PCDHGB7: variants seen among roughly 807,000 people sequenced by gnomAD.
PCDHGB7 encodes the protein protocadherin gamma subfamily B, 7, also known as protocadherin gamma-B7.
A neutral mutation model predicts 61.4 loss-of-function variants in PCDHGB7; 37 were observed. The ratio of observed to expected loss-of-function variants is 0.60; its 90% CI spans 0.46 to 0.79. The LOEUF (loss-of-function observed/expected upper bound fraction) is 0.79. Ranked by LOEUF, PCDHGB7 falls within the 30% of genes least tolerant of loss-of-function variation. The pLI is 0.00. For synonymous variants in PCDHGB7, 464 were observed against 503.5 expected (o/e 0.92, Z 1.05); for missense variants, 1,166 against 1,202.5 (o/e 0.97, Z 0.45).
chr5:141,459,300 A>T (rs954766370), intron 1 of PCDHGB7, among the ~76,000 whole-genome samples: 1 of 152,202 alleles, frequency 6.6e-6, no homozygotes, highest in Non-Finnish European at 1.5e-5. Flanking sequence ...ATCCTATAAC[A>T]TATACTATTT....
intron 3 of PCDHGB7, among the ~76,000 whole-genome samples, chr5:141,510,330 C>T (rs1420880240): frequency 6.6e-6 from 1 of 151,298 alleles, no homozygotes; most frequent in Non-Finnish European, 1.5e-5. Context: ...GCACTCTTCA[C>T]CCCCACCCCA....
intron 2 of PCDHGB7, among the ~76,000 whole-genome samples, chr5:141,505,066 G>A (rs1312509903): frequency 6.6e-6 from 1 of 152,190 alleles, no homozygotes; most frequent in Non-Finnish European, 1.5e-5. Flanking sequence ...GGAGACTGAG[G>A]CAGGAGAATC....
In PCDHGB7 at chr5:141,491,561, A is replaced by G. The variant is rs1289732955; in HGVS notation, c.2416-3246A>G. ...CCCACAGACTCGCAGAGCCACTGCT[A>G]CAGGACGTGCTTTTCACCGGCCTCG... On this transcript the variant is annotated intron_variant, in intron 1 of 3. Transcript: ENST00000398594. The surrounding 1 kb of genome is among the most constrained non-coding windows in gnomAD (Gnocchi z 6.9). The G allele has an allele frequency of 6.2e-7, 1 of 1,613,938 alleles. No homozygotes were observed. Among genetic ancestry groups the G allele is most frequent in the Non-Finnish European group, 8.5e-7 (1 of 1,180,018 alleles).
At chr5:141,422,850 G>T (rs184432819) in intron 1 of PCDHGB7, 7 of 1,614,086 alleles carry the variant, frequency 4.3e-6, no homozygotes, top group Non-Finnish European at 5.9e-6. Context: ...GCGGGGACCC[G>T]CCCCTCAGCA....
chr5:141,489,206 C>A lies in PCDHGB7; in HGVS notation c.2416-5601C>A. On this transcript the variant is annotated intron_variant, in intron 1 of 3. Transcript: ENST00000398594. This position sits in a 1 kb window ranked among gnomAD's most constrained non-coding sequence, Gnocchi z 4.5. ...TGGGTCTACCTTGGAGACAGGACAG[C>A]ACAGACTTACTCTCCACAAAGGGAC... 2 of 1,439,024 alleles carry A rather than the reference C, an allele frequency of 1.4e-6. No individual in the cohort carries two copies. Among genetic ancestry groups the A allele is most frequent in the Non-Finnish European group, 1.9e-6 (2 of 1,060,928 alleles). 89.1% of individuals were successfully genotyped at this position (1,439,024 alleles called of 1,614,324 possible). A position where few individuals can be genotyped will look rare whatever the true frequency, so the allele number is the denominator to read the frequency against.
At chr5:141,465,979 G>C (rs779605313) in intron 1 of PCDHGB7, among the ~76,000 whole-genome samples, 26 of 151,846 alleles carry the variant, frequency 1.7e-4, no homozygotes, top group Non-Finnish European at 3.8e-4. Flanking sequence ...AAAATTAGCC[G>C]GGCATGGTGG....
chr5:141,479,020 T>C (rs961123768), intron 1 of PCDHGB7, among the ~76,000 whole-genome samples: 1 of 152,236 alleles, frequency 6.6e-6, no homozygotes, highest in African/African-American at 2.4e-5. Flanking sequence ...ATAATTTTCC[T>C]TTGTTTATAC....
chr5:141,425,221 C>T (rs2096862694), intron 1 of PCDHGB7, among the ~76,000 whole-genome samples: 1 of 152,068 alleles, frequency 6.6e-6, no homozygotes, highest in African/African-American at 2.4e-5. Context: ...TGTACTTTGA[C>T]TGGAATTAGT....
At chr5:141,449,542 T>C (rs1379019468) in intron 1 of PCDHGB7, among the ~76,000 whole-genome samples, 2 of 142,482 alleles carry the variant, frequency 1.4e-5, no homozygotes, top group African/African-American at 5.3e-5. Context: ...TGAGCCGAGA[T>C]CGCACCACTG....
Position 141,490,703 on chromosome 5 carries a change from G to GCCT in PCDHGB7, c.2416-4102_2416-4100dup. 6.2e-7 allele frequency: 1 copy of GCCT among 1,614,110 alleles called. No individual in the cohort carries two copies. The highest frequency in any genetic ancestry group is 8.5e-7 in the Non-Finnish European group (1 of 1,180,000). Reference sequence around the variant, plus strand: ...GATCCAGACACTGGGGATAATGCCCGCCTCACCTACTCCATTGTAGGAAAT... The same window carrying GCCT: ...GATCCAGACACTGGGGATAATGCCCGCCTCCTCACCTACTCCATTGTAGGAAAT... On this transcript the variant is annotated intron_variant, in intron 1 of 3. Transcript: ENST00000398594. This position sits in a 1 kb window ranked among gnomAD's most constrained non-coding sequence, Gnocchi z 5.4.
chr5:141,489,713 A>G lies in PCDHGB7; in HGVS notation c.2416-5094A>G. On this transcript the variant is annotated intron_variant, in intron 1 of 3. Coordinates refer to ENST00000398594, the MANE Select transcript of PCDHGB7 (RefSeq NM_018927.4). The surrounding 1 kb of genome is among the most constrained non-coding windows in gnomAD (Gnocchi z 4.5). The stretch of plus-strand genomic sequence containing the variant: ...GCACGATTCCCACTGGACAGTGCCC[A>G]GGATCCGGATGTGGGCACCAATACT... 1.9e-6 allele frequency: 3 copies of G among 1,614,162 alleles called. No individual in the cohort carries two copies. The highest frequency in any genetic ancestry group is 2.5e-6 in the Non-Finnish European group (3 of 1,179,968).
intron 1 of PCDHGB7, among the ~76,000 whole-genome samples, chr5:141,492,631 A>G (rs1203365582): frequency 6.6e-6 from 1 of 152,184 alleles, no homozygotes; most frequent in Non-Finnish European, 1.5e-5. Flanking sequence ...GCAGGACTCT[A>G]CGATCCTTGG....
At chr5:141,429,559 A>G (rs2097222911) in intron 1 of PCDHGB7, among the ~76,000 whole-genome samples, 2 of 152,146 alleles carry the variant, frequency 1.3e-5, no homozygotes, top group Admixed American at 6.5e-5. Context: ...TGATTTGATA[A>G]TATTCAGTTA....
chr5:141,445,302 A>C (rs2098462947), intron 1 of PCDHGB7, among the ~76,000 whole-genome samples: 1 of 152,220 alleles, frequency 6.6e-6, no homozygotes, highest in African/African-American at 2.4e-5. Flanking sequence ...CATTCTCTTC[A>C]GTTTGTAGGT....
At position 141,489,657 on chromosome 5, in the gene PCDHGB7, G is replaced by T. The variant is rs755618175; in HGVS notation, c.2416-5150G>T. 6.2e-7 allele frequency: 1 copy of T among 1,614,198 alleles called. No individual in the cohort carries two copies. Among genetic ancestry groups the T allele is most frequent in the Admixed American group, 1.7e-5 (1 of 60,030 alleles). ...CTAGCTTTGCCACCCCTGAGCGAGA[G>T]ATGCGCATCTCAGAATCAGCAGCAT... On this transcript the variant is annotated intron_variant, in intron 1 of 3. Coordinates refer to ENST00000398594, the MANE Select transcript of PCDHGB7 (RefSeq NM_018927.4). This position sits in a 1 kb window ranked among gnomAD's most constrained non-coding sequence, Gnocchi z 4.5.
At chr5:141,440,221 C>A (rs557068282) in intron 1 of PCDHGB7, 2 of 152,450 alleles carry the variant, frequency 1.3e-5, no homozygotes, top group Admixed American at 6.5e-5. Context: ...GTAATCCCAG[C>A]ACTTTGGGAG....
intron 1 of PCDHGB7, chr5:141,433,010 C>A (rs1392666523): frequency 6.2e-7 from 1 of 1,614,178 alleles, no homozygotes. Flanking sequence ...GGCTTTCCTG[C>A]AGACCTATTC....
intron 2 of PCDHGB7, among the ~76,000 whole-genome samples, chr5:141,501,506 G>A (rs770097282): frequency 1.3e-5 from 2 of 151,864 alleles, no homozygotes; most frequent in Non-Finnish European, 2.9e-5. Context: ...GGGGCTCCAA[G>A]GCCTCCAAGC....
In PCDHGB7 at chr5:141,432,704, C is replaced by T; in HGVS notation, c.2415+12430C>T. ...GAGCCTCGTAGTGGCCGTCCAGGAC[C>T]ACGGCCAGCCCCCTCTCTCCGCCAC... is the stretch of plus-strand genomic sequence containing the variant. On this transcript the variant is annotated intron_variant, in intron 1 of 3. Coordinates refer to ENST00000398594, the MANE Select transcript of PCDHGB7 (RefSeq NM_018927.4). The surrounding 1 kb of genome is among the most constrained non-coding windows in gnomAD (Gnocchi z 6.0). The T allele has an allele frequency of 6.2e-7, 1 of 1,613,966 alleles. No homozygotes were observed. The highest frequency in any genetic ancestry group is 8.5e-7 in the Non-Finnish European group (1 of 1,179,976).
Sources: gnomAD v4.1 joint callset for allele counts (sites outside exome capture counted in the v4.1 genomes callset) on GRCh38, gnomAD v4.1.1 for gene constraint, Gnocchi (gnomAD v3.1) non-coding constraint, MANE v1.5 for transcripts, NCBI Gene and HGNC (gene_info 2026-07-23, HGNC 2026-07-21) for gene names.